Variants in NXPH2 observed in about 807,000 individuals in gnomAD.
NXPH2 encodes neurexophilin-2.
In NXPH2, 5 loss-of-function variants were observed where a neutral mutation model predicts 19.8. The ratio of observed to expected loss-of-function variants is 0.25; its 90% CI spans 0.13 to 0.53. The LOEUF (loss-of-function observed/expected upper bound fraction) is 0.53, where lower values mean the gene tolerates loss of function less well. Ranked by LOEUF, NXPH2 falls within the 20% of genes least tolerant of loss-of-function variation. The pLI is 0.96. For missense variants in NXPH2, 289 were observed against 322.8 expected (o/e 0.90, Z 0.80); for synonymous variants, 154 against 127.4 (o/e 1.21, Z -1.41).
At chr2:138,734,502 C>A (rs1558925155) in intron 1 of NXPH2, among the ~76,000 whole-genome samples, 2 of 152,170 alleles carry the variant, frequency 1.3e-5, no homozygotes, top group South Asian at 2.1e-4. Flanking sequence ...AATGGTCAAG[C>A]CAGGGAAAGC....
At chr2:138,689,571 TCAGTCC>T (rs1366446292) in intron 1 of NXPH2, among the ~76,000 whole-genome samples, 2 of 152,194 alleles carry the variant, frequency 1.3e-5, no homozygotes, top group Non-Finnish European at 2.9e-5. Context: ...ATTATTCAGA[TCAGTCC>T]CAGTTTTATA....
chr2:138,774,919 T>C (rs1447858094), intron 1 of NXPH2, among the ~76,000 whole-genome samples: 2 of 152,248 alleles, frequency 1.3e-5, no homozygotes, highest in Non-Finnish European at 2.9e-5. Flanking sequence ...ACTGGGAGAA[T>C]AGAATGTGAT....
chr2:138,720,337 C>T (rs919081667), intron 1 of NXPH2, among the ~76,000 whole-genome samples: 4 of 152,090 alleles, frequency 2.6e-5, no homozygotes, highest in Admixed American at 6.5e-5. Context: ...CAGGCCATGA[C>T]GAAACATGAG....
intron 1 of NXPH2, among the ~76,000 whole-genome samples, chr2:138,754,135 AG>A (rs1480374508): frequency 6.6e-6 from 1 of 152,152 alleles, no homozygotes; most frequent in African/African-American, 2.4e-5. Flanking sequence ...TAATACAATT[AG>A]GCTATTTTGT....
intron 1 of NXPH2, among the ~76,000 whole-genome samples, chr2:138,740,059 C>T (rs749770808): frequency 3.2e-4 from 48 of 152,126 alleles, no homozygotes; most frequent in Non-Finnish European, 5.9e-4. Context: ...TTCACAATGG[C>T]GTTCCATATC....
intron 1 of NXPH2, among the ~76,000 whole-genome samples, chr2:138,769,708 AG>A: frequency 6.6e-6 from 1 of 152,314 alleles, no homozygotes; most frequent in Non-Finnish European, 1.5e-5. Context: ...GGCAGCTACC[AG>A]GAGGCTCCCC....
At chr2:138,701,347 A>C (rs1573959221) in intron 1 of NXPH2, among the ~76,000 whole-genome samples, 3 of 152,326 alleles carry the variant, frequency 2.0e-5, no homozygotes, top group Admixed American at 2.0e-4. Flanking sequence ...AGTGAGAAGA[A>C]AATCAAAAAG....
chr2:138,679,392 A>G (rs1680536450), intron 1 of NXPH2, among the ~76,000 whole-genome samples: 1 of 148,180 alleles, frequency 6.7e-6, no homozygotes, highest in Non-Finnish European at 1.5e-5. Flanking sequence ...GGAGTAGGAG[A>G]GGCCTGAATT....
intron 1 of NXPH2, among the ~76,000 whole-genome samples, chr2:138,770,973 T>C: frequency 6.6e-6 from 1 of 152,066 alleles, no homozygotes; most frequent in East Asian, 1.9e-4. Context: ...TAATAGATTG[T>C]CAAAAATTTT....
chr2:138,751,034 AC>A (rs983984443), intron 1 of NXPH2, among the ~76,000 whole-genome samples: 9 of 49,262 alleles, frequency 1.8e-4, no homozygotes, highest in African/African-American at 6.7e-4. Context: ...CCCCACCCCC[AC>A]CCCCATCTCT....
intron 1 of NXPH2, among the ~76,000 whole-genome samples, chr2:138,767,190 T>C (rs2104842143): frequency 6.6e-6 from 1 of 152,258 alleles, no homozygotes; most frequent in East Asian, 1.9e-4. Context: ...AAATAATAAA[T>C]AGCACTTATG....
intron 1 of NXPH2, among the ~76,000 whole-genome samples, chr2:138,687,328 T>C (rs1680675266): frequency 6.6e-6 from 1 of 152,244 alleles, no homozygotes; most frequent in African/African-American, 2.4e-5. Context: ...TTTTCATGTG[T>C]CTTTTGGCTG....
At chr2:138,680,312 G>C (rs548756085) in intron 1 of NXPH2, among the ~76,000 whole-genome samples, 1 of 152,362 alleles carries the variant, frequency 6.6e-6, no homozygotes, top group South Asian at 2.1e-4. Context: ...GAATTAGAGT[G>C]AGGCTTGTCT....
intron 1 of NXPH2, among the ~76,000 whole-genome samples, chr2:138,694,091 G>T (rs1680790543): frequency 1.3e-5 from 2 of 151,964 alleles, no homozygotes; most frequent in African/African-American, 4.8e-5. Context: ...TTCCATCAAG[G>T]TAAAACAAAA....
At chr2:138,737,773 A>G (rs73961526) in intron 1 of NXPH2, among the ~76,000 whole-genome samples, 23 of 152,260 alleles carry the variant, frequency 1.5e-4, no homozygotes, top group African/African-American at 5.5e-4. Flanking sequence ...TGAGGCAACT[A>G]AAAAAGTGGA....
At chr2:138,761,380 T>A (rs1682013623) in intron 1 of NXPH2, among the ~76,000 whole-genome samples, 1 of 152,180 alleles carries the variant, frequency 6.6e-6, no homozygotes, top group African/African-American at 2.4e-5. Flanking sequence ...CCCGGTCAGG[T>A]CCCCAATAGT....
chr2:138,767,507 C>G (rs1682109858), intron 1 of NXPH2, among the ~76,000 whole-genome samples: 1 of 152,196 alleles, frequency 6.6e-6, no homozygotes, highest in Admixed American at 6.5e-5. Flanking sequence ...AGGTTTGTTA[C>G]ATAGGTATAC....
rs143973648 is a variant in NXPH2 at position 138,717,630 on chromosome 2, A to G, written c.52-45965T>C. ...CATCACCTTGGGAGTTAGAATTTCA[A>G]TGTATGAATTTTGGGGAGACAGAAA... On this transcript the variant is annotated intron_variant, in intron 1 of 1. Transcript: ENST00000272641. Among the ~76,000 whole-genome samples the G allele has an allele frequency of 3.7e-4, 56 of 152,148 alleles. 2 individuals are homozygous for G. The East Asian group carries it at 0.01, about 27-fold the overall frequency.
chr2:138,736,130 TTCTGGGG>T (rs139604444), intron 1 of NXPH2, among the ~76,000 whole-genome samples: 4 of 152,320 alleles, frequency 2.6e-5, no homozygotes, highest in African/African-American at 9.6e-5. Flanking sequence ...GGATCTATCA[TTCTGGGG>T]TCTGGTGGAG....
Sources: allele counts gnomAD v4.1 joint callset (sites outside exome capture counted in the v4.1 genomes callset), GRCh38; gene constraint gnomAD v4.1.1; transcripts MANE v1.5; gene names NCBI Gene and HGNC (gene_info 2026-07-23, HGNC 2026-07-21).